Variants in TRAF3IP1 observed in about 807,000 individuals in gnomAD.
The protein encoded by TRAF3IP1 is intraflagellar transport 54, also known as TRAF3-interacting protein 1.
Under a neutral mutation model 89.9 loss-of-function variants are expected in TRAF3IP1, and 53 were observed. That is an observed-to-expected ratio of 0.59 (90% CI 0.47 to 0.74). The LOEUF is 0.74. TRAF3IP1 is among the 30% of genes least tolerant of loss of function. The probability of loss-of-function intolerance (pLI) is 0.00; values close to 1 mark genes in which losing one functional copy is unlikely to be tolerated. For missense variants in TRAF3IP1, 806 were observed against 866.1 expected, an observed-to-expected ratio of 0.93 and a Z score of 0.87; for synonymous variants, 311 against 322.1, an observed-to-expected ratio of 0.97 and a Z score of 0.37.
chr2:238,353,493 G>A (rs1031684868), intron 14 of TRAF3IP1, among the ~76,000 whole-genome samples: 10 of 152,158 alleles, frequency 6.6e-5, no homozygotes, highest in Admixed American at 1.3e-4. Flanking sequence ...TCTTCCGTAC[G>A]ATTAAATTGT....
At chr2:238,366,304 A>C (rs763877775) in intron 15 of TRAF3IP1, among the ~76,000 whole-genome samples, 1 of 152,244 alleles carries the variant, frequency 6.6e-6, no homozygotes, top group Non-Finnish European at 1.5e-5. Context: ...TGGGTGTATT[A>C]TAGACCACAA....
Position 238,344,491 on chromosome 2 carries a change from T to C in TRAF3IP1, c.1160-6T>C. ...TAATGACTAATTTTAAACTGTTTTA[T>C]GTCAGGAACAAAAGAAGCTAATATT... On this transcript the variant is annotated splice_region_variant and splice_polypyrimidine_tract_variant and intron_variant, in intron 8 of 16. Transcript: ENST00000373327. The C allele has an allele frequency of 6.2e-7, 1 of 1,612,574 alleles. No individual in the cohort carries two copies. The highest frequency in any genetic ancestry group is 8.5e-7 in the Non-Finnish European group (1 of 1,178,528).
At chr2:238,324,974 C>T (rs1697747748) in intron 1 of TRAF3IP1, among the ~76,000 whole-genome samples, 1 of 152,162 alleles carries the variant, frequency 6.6e-6, no homozygotes, top group Admixed American at 6.6e-5. Context: ...AGCCTGGTCC[C>T]CATCTAGGTA....
chr2:238,361,981 A>G (rs968592817), intron 15 of TRAF3IP1, among the ~76,000 whole-genome samples: 2 of 152,046 alleles, frequency 1.3e-5, no homozygotes, highest in South Asian at 4.1e-4. Context: ...CTGGCTCTCC[A>G]CCTTCATCCG....
chr2:238,371,636 A>C (rs2106351800), intron 15 of TRAF3IP1, among the ~76,000 whole-genome samples: 1 of 152,360 alleles, frequency 6.6e-6, no homozygotes, highest in African/African-American at 2.4e-5. Context: ...CCACTCGCCC[A>C]TGTGGTGGGG....
intron 3 of TRAF3IP1, among the ~76,000 whole-genome samples, chr2:238,326,343 G>T (rs982214554): frequency 6.6e-6 from 1 of 152,154 alleles, no homozygotes; most frequent in African/African-American, 2.4e-5. Flanking sequence ...AGCCAGGGCT[G>T]CAGTGGCTGC....
Position 238,373,325 on chromosome 2 carries a change from G to A in TRAF3IP1, c.1689+17245G>A, listed in dbSNP as rs191575058. On this transcript the variant is annotated intron_variant, in intron 15 of 16. Transcript: ENST00000373327. ...AATTTTTGTATATGGTATAAGGAAG[G>A]GATCCAGTTTCAGCTTTCTACATAT... 7.5e-3 allele frequency among the ~76,000 whole-genome samples: 1,147 copies of A among 152,178 alleles called. 5 individuals are homozygous for A. Among genetic ancestry groups the A allele is most frequent in the African/African-American group, 0.027 (1,107 of 41,500 alleles).
chr2:238,343,595 C>T (rs577379876), intron 8 of TRAF3IP1, among the ~76,000 whole-genome samples: 18 of 150,852 alleles, frequency 1.2e-4, no homozygotes, highest in Middle Eastern at 3.4e-3. Context: ...CTGGTGCCTG[C>T]CTTGGCCTCC....
At chr2:238,390,987 C>T (rs1334410214) in intron 15 of TRAF3IP1, among the ~76,000 whole-genome samples, 1 of 152,170 alleles carries the variant, frequency 6.6e-6, no homozygotes, top group South Asian at 2.1e-4. Flanking sequence ...AAGGGTTTCG[C>T]TCTGTTGCCC....
chr2:238,367,199 T>C (rs1574948104), intron 15 of TRAF3IP1, among the ~76,000 whole-genome samples: 1 of 109,900 alleles, frequency 9.1e-6, no homozygotes, highest in Non-Finnish European at 1.8e-5. Context: ...AGAAAATTAG[T>C]GGATAAGGAT....
chr2:238,324,956 C>T (rs560635027), intron 1 of TRAF3IP1, among the ~76,000 whole-genome samples: 1 of 152,262 alleles, frequency 6.6e-6, no homozygotes, highest in Middle Eastern at 3.4e-3. Context: ...TTGCCCAACT[C>T]TTCTGTAAGC....
chr2:238,343,712 G>C (rs1210770290), intron 8 of TRAF3IP1, among the ~76,000 whole-genome samples: 8 of 148,826 alleles, frequency 5.4e-5, no homozygotes, highest in Non-Finnish European at 8.9e-5. Context: ...GAGTGCAGTG[G>C]CGTGATCACA....
intron 15 of TRAF3IP1, among the ~76,000 whole-genome samples, chr2:238,382,978 G>A (rs940270284): frequency 3.3e-5 from 5 of 151,736 alleles, no homozygotes; most frequent in Admixed American, 6.6e-5. Context: ...GCTTTTTATC[G>A]CCCATAGGAT....
At chr2:238,347,815 C>T (rs998559732) in intron 10 of TRAF3IP1, among the ~76,000 whole-genome samples, 15 of 151,956 alleles carry the variant, frequency 9.9e-5, no homozygotes, top group African/African-American at 2.7e-4. Flanking sequence ...TTAGTAGAGA[C>T]GGGGTTTCTC....
intron 14 of TRAF3IP1, 107 bp from the exon 15 acceptor site, chr2:238,355,897 A>C (rs2106330914): frequency 1.3e-6 from 1 of 769,122 alleles, no homozygotes; most frequent in East Asian, 2.7e-5. Flanking sequence ...CAGCATAAAA[A>C]GAGATAGGAT....
At chr2:238,350,713 G>A (rs1020806388) in intron 12 of TRAF3IP1, among the ~76,000 whole-genome samples, 8 of 152,196 alleles carry the variant, frequency 5.3e-5, no homozygotes, top group Admixed American at 3.3e-4. Context: ...GTGCCTGGGC[G>A]GAGGCCGTGG....
intron 15 of TRAF3IP1, among the ~76,000 whole-genome samples, chr2:238,389,232 A>C (rs1002414464): frequency 1.3e-5 from 2 of 150,414 alleles, no homozygotes; most frequent in Non-Finnish European, 3.0e-5. Flanking sequence ...CTTCTGAGAC[A>C]TTTTTTTTTA....
chr2:238,344,533 C>A lies in TRAF3IP1; in HGVS notation c.1196C>A (p.Ser399Ter), dbSNP rs781304219. The A allele has an allele frequency of 6.2e-7, 1 of 1,614,180 alleles. No homozygotes were observed. Among genetic ancestry groups the A allele is most frequent in the South Asian group, 1.1e-5 (1 of 91,082 alleles). Residue 399 changes from serine to a stop codon, truncating the protein, a stop_gained, in exon 9 of 17, where the codon TCA (serine) becomes TAA (stop). Transcript: ENST00000373327. LOFTEE classifies it high-confidence loss of function. Reference protein sequence around the residue: ...KEANINSTSISDDNSASLRCE... With the variant: ...KEANINSTSI ...GCTAATATTAACTCAACTAGTATTT[C>A]AGATGATAATTCAGCTAGTCTGCGG...
In TRAF3IP1 at chr2:238,345,937, A is replaced by G. The variant is rs913087030; in HGVS notation, c.1261+1339A>G. On this transcript the variant is annotated intron_variant, in intron 9 of 16. Coordinates refer to ENST00000373327, the MANE Select transcript of TRAF3IP1 (RefSeq NM_015650.4). This position sits in a 1 kb window ranked among gnomAD's most constrained non-coding sequence, Gnocchi z 4.7. Reference sequence around the variant, plus strand: ...GTTCTGGGTAACGGGGACTGGAAGTATCCATTGAAAGGTAGAGAGTTCACT... The same window carrying G: ...GTTCTGGGTAACGGGGACTGGAAGTGTCCATTGAAAGGTAGAGAGTTCACT... Among the ~76,000 whole-genome samples the G allele has an allele frequency of 1.3e-5, 2 of 152,134 alleles. No individual in the cohort carries two copies. Among genetic ancestry groups the G allele is most frequent in the African/African-American group, 4.8e-5 (2 of 41,422 alleles).
Sources: allele counts gnomAD v4.1 joint callset (sites outside exome capture counted in the v4.1 genomes callset), GRCh38; gene constraint gnomAD v4.1.1; non-coding constraint Gnocchi (gnomAD v3.1); transcripts MANE v1.5; gene names NCBI Gene and HGNC (gene_info 2026-07-23, HGNC 2026-07-21).